MAST4: variants seen among roughly 807,000 people sequenced by gnomAD.
The protein encoded by MAST4 is microtubule-associated serine/threonine-protein kinase 4.
In MAST4, 89 loss-of-function variants were observed where a neutral mutation model predicts 162.7. The ratio of observed to expected loss-of-function variants is 0.55; its 90% CI spans 0.46 to 0.65. The LOEUF (loss-of-function observed/expected upper bound fraction) is 0.65, where lower values mean the gene tolerates loss of function less well. Among genes scored for constraint, MAST4 ranks in the 30% least tolerant of loss-of-function variants. MAST4 has a pLI of 0.00. For missense variants in MAST4, 3,153 were observed against 3,374.0 expected (o/e 0.93, Z 1.62); for synonymous variants, 1,479 against 1,361.1 (o/e 1.09, Z -1.91).
intron 3 of MAST4, among the ~76,000 whole-genome samples, chr5:66,801,915 C>T (rs1351468592): frequency 1.3e-5 from 2 of 152,070 alleles, no homozygotes; most frequent in African/African-American, 4.8e-5. Context: ...GAATTTATAA[C>T]TAAGATAACA....
At chr5:66,681,336 C>A (rs184604391) in intron 1 of MAST4, among the ~76,000 whole-genome samples, 6 of 152,306 alleles carry the variant, frequency 3.9e-5, no homozygotes, top group African/African-American at 1.4e-4. Flanking sequence ...CCCAGTACTA[C>A]TACTAGATTT....
intron 4 of MAST4, among the ~76,000 whole-genome samples, chr5:67,047,423 T>G (rs918109294): frequency 6.6e-6 from 1 of 152,066 alleles, no homozygotes; most frequent in Non-Finnish European, 1.5e-5. Context: ...CCTCTGCTCT[T>G]GCTGAATGCT....
intron 5 of MAST4, among the ~76,000 whole-genome samples, chr5:67,088,683 TCCAGGGGC>T (rs1763518674): frequency 6.6e-6 from 1 of 152,128 alleles, no homozygotes; most frequent in Admixed American, 6.5e-5. Context: ...AATTCATTTC[TCCAGGGGC>T]CCAAGGAATA....
At chr5:66,796,361 C>A (rs143259433) in intron 3 of MAST4, among the ~76,000 whole-genome samples, 155 of 152,270 alleles carry the variant, frequency 1.0e-3, no homozygotes, top group African/African-American at 3.5e-3. Flanking sequence ...TTCCACTCAG[C>A]GCAGTCACTT....
At chr5:66,937,004 T>A (rs1054799674) in intron 4 of MAST4, among the ~76,000 whole-genome samples, 3 of 152,208 alleles carry the variant, frequency 2.0e-5, no homozygotes, top group Non-Finnish European at 4.4e-5. Context: ...TTTCTTTCTC[T>A]TTAATCACTC....
chr5:66,963,073 G>T (rs907187244), intron 4 of MAST4, among the ~76,000 whole-genome samples: 1 of 151,928 alleles, frequency 6.6e-6, no homozygotes, highest in Non-Finnish European at 1.5e-5. Context: ...GGAGTGGGGG[G>T]TCAGGGATTA....
chr5:66,896,534 T>A (rs567727821), intron 3 of MAST4, among the ~76,000 whole-genome samples: 14 of 152,374 alleles, frequency 9.2e-5, no homozygotes, highest in African/African-American at 3.1e-4. Flanking sequence ...ACATGTATTA[T>A]TTGGGCTTCT....
At chr5:66,847,083 T>C (rs2149801663) in intron 3 of MAST4, among the ~76,000 whole-genome samples, 1 of 152,252 alleles carries the variant, frequency 6.6e-6, no homozygotes, top group South Asian at 2.1e-4. Flanking sequence ...CTGAGAGCTA[T>C]ATTGAGTGTT....
chr5:66,933,782 T>C (rs1306783230), intron 4 of MAST4, among the ~76,000 whole-genome samples: 1 of 152,216 alleles, frequency 6.6e-6, no homozygotes, highest in African/African-American at 2.4e-5. Flanking sequence ...AAATAATGTA[T>C]GAATGTCTTT....
intron 4 of MAST4, among the ~76,000 whole-genome samples, chr5:66,973,494 C>T (rs1200147700): frequency 6.6e-6 from 1 of 152,004 alleles, no homozygotes; most frequent in Non-Finnish European, 1.5e-5. Context: ...ACATATTTGC[C>T]AAGAACAGGT....
chr5:67,015,295 G>T (rs997563821), intron 4 of MAST4, among the ~76,000 whole-genome samples: 2 of 152,164 alleles, frequency 1.3e-5, no homozygotes, highest in Non-Finnish European at 1.5e-5. Context: ...CCAGCCTGGA[G>T]CTGAAGAAAC....
rs1773614437 is a variant in MAST4, at chr5:67,164,400, T to A, written c.5221T>A (p.Phe1741Ile). 6.2e-7 allele frequency: 1 copy of A among 1,613,922 alleles called. No homozygotes were observed. The highest frequency in any genetic ancestry group is 8.5e-7 in the Non-Finnish European group (1 of 1,179,854). The change falls in exon 29 of 29, where the codon TTT becomes ATT. Residue 1741 changes from phenylalanine to isoleucine, a missense_variant. Phe to Ile is a conservative substitution (Grantham distance 21). Around this residue, in one of 7 missense-constraint regions of MAST4, gnomAD observed 1,644 missense variants for 1,495.0 expected, o/e 1.10. Coordinates refer to ENST00000403625, the MANE Select transcript of MAST4 (RefSeq NM_001164664.2). This position sits in a 1 kb window ranked among gnomAD's most constrained non-coding sequence, Gnocchi z 5.3. ...EPPPASESRA[F>I]VSSTHAAQMS... Reference sequence around the variant, plus strand: ...CCCGCCGGCTTCTGAGAGCCGAGCTTTTGTCAGCAGCACCCATGCAGCTCA... The same window carrying A: ...CCCGCCGGCTTCTGAGAGCCGAGCTATTGTCAGCAGCACCCATGCAGCTCA...
At chr5:67,121,450 T>C (rs1162000173) in intron 14 of MAST4, among the ~76,000 whole-genome samples, 2 of 151,034 alleles carry the variant, frequency 1.3e-5, no homozygotes, top group Non-Finnish European at 2.9e-5. Context: ...AATACTATCA[T>C]ATATAATCAT....
At chr5:66,995,862 A>G (rs2150297095) in intron 4 of MAST4, among the ~76,000 whole-genome samples, 1 of 150,796 alleles carries the variant, frequency 6.6e-6, no homozygotes, top group South Asian at 2.1e-4. Context: ...AGAGACAGCA[A>G]GATGCTCTCT....
At chr5:66,748,949 C>T (rs899476186) in intron 1 of MAST4, among the ~76,000 whole-genome samples, 2 of 151,734 alleles carry the variant, frequency 1.3e-5, no homozygotes, top group African/African-American at 2.4e-5. Context: ...TTTTAAGATG[C>T]TAGGGAAGGG....
chr5:66,876,602 A>T (rs1761315825), intron 3 of MAST4, among the ~76,000 whole-genome samples: 1 of 152,184 alleles, frequency 6.6e-6, no homozygotes, highest in Non-Finnish European at 1.5e-5. Context: ...TAGGAATGTT[A>T]TAATTAGACG....
intron 4 of MAST4, chr5:67,004,857 C>A: frequency 1.6e-6 from 1 of 626,278 alleles, no homozygotes; most frequent in Non-Finnish European, 2.9e-6. Context: ...CAGTTCCCAT[C>A]ACATTTTCTC....
chr5:67,080,747 A>G (rs935596271), intron 5 of MAST4, among the ~76,000 whole-genome samples: 3 of 151,346 alleles, frequency 2.0e-5, no homozygotes, highest in African/African-American at 7.3e-5. Context: ...AAATATTATA[A>G]TATTACATGG....
intron 4 of MAST4, among the ~76,000 whole-genome samples, chr5:66,984,849 T>C (rs1208815033): frequency 6.6e-6 from 1 of 152,072 alleles, no homozygotes; most frequent in Non-Finnish European, 1.5e-5. Flanking sequence ...CGGTTCTGTT[T>C]ACACAGGTGG....
Sources: gnomAD v4.1 joint callset for allele counts (sites outside exome capture counted in the v4.1 genomes callset) on GRCh38, gnomAD v4.1.1 for gene constraint, gnomAD v4.1.1 regional missense constraint, Gnocchi (gnomAD v3.1) non-coding constraint, MANE v1.5 for transcripts, NCBI Gene and HGNC (gene_info 2026-07-23, HGNC 2026-07-21) for gene names.